SREBF2: variants seen among roughly 807,000 people sequenced by gnomAD.
SREBF2 encodes sterol regulatory element binding transcription factor 2.
Under a neutral mutation model 113.1 loss-of-function variants are expected in SREBF2, and 55 were observed. That is an observed-to-expected ratio of 0.49 (90% CI 0.39 to 0.61). SREBF2 has a LOEUF of 0.61. SREBF2 is among the 20% of genes least tolerant of loss of function. The pLI is 0.00. For missense variants in SREBF2, 1,349 were observed against 1,487.4 expected (o/e 0.91, Z 1.53); for synonymous variants, 593 against 605.7 (o/e 0.98, Z 0.31).
intron 1 of SREBF2, among the ~76,000 whole-genome samples, chr22:41,859,628 A>G (rs1408848390): frequency 6.6e-6 from 1 of 151,826 alleles, no homozygotes; most frequent in Non-Finnish European, 1.5e-5. Context: ...CACTATGAAT[A>G]ATGTGTACTA....
chr22:41,883,533 C>A (rs1279340542), intron 10 of SREBF2, among the ~76,000 whole-genome samples: 1 of 152,206 alleles, frequency 6.6e-6, no homozygotes, highest in Non-Finnish European at 1.5e-5. Flanking sequence ...CTCCTTGCTG[C>A]CAAATTCTGG....
chr22:41,852,836 C>T (rs1355000667), intron 1 of SREBF2, among the ~76,000 whole-genome samples: 1 of 148,266 alleles, frequency 6.7e-6, no homozygotes, highest in African/African-American at 2.5e-5. Flanking sequence ...GCTCACTGCA[C>T]CCTCCACCTC....
At chr22:41,903,199 T>C (rs895771057) in intron 17 of SREBF2, 44 bp downstream of exon 17, 1 of 1,541,966 alleles carries the variant, frequency 6.5e-7, no homozygotes, top group East Asian at 2.4e-5. Context: ...TTGGAGCCTG[T>C]GGGGCCTGAG....
At chr22:41,895,431 CTTTTTTTTTT>C (rs35810171) in intron 13 of SREBF2, among the ~76,000 whole-genome samples, 16 of 106,224 alleles carry the variant, frequency 1.5e-4, no homozygotes, top group African/African-American at 5.7e-4. Flanking sequence ...ATGCCCAGGC[CTTTTTTTTTT>C]TTTTTTTTTT....
Position 41,907,112 on chromosome 22 carries a change from C to T in SREBF2, c.*1452C>T, listed in dbSNP as rs1220889284. 6.6e-6 allele frequency: 1 copy of T among 152,208 alleles called. No homozygotes were observed. The highest frequency in any genetic ancestry group is 1.5e-5 in the Non-Finnish European group (1 of 68,100). The allele number at this position is 152,208 out of a possible 1,614,324, so 9.4% of individuals were successfully genotyped here. On this transcript the variant is annotated 3_prime_UTR_variant, in exon 19 of 19. Transcript: ENST00000361204. ...TTCTTTCTCTCCTGCCCCTCCCCTA[C>T]TCTCACTGTAATTTATGGACCCTGC... is the stretch of plus-strand genomic sequence containing the variant.
At chr22:41,854,444 G>A (rs2076959832) in intron 1 of SREBF2, among the ~76,000 whole-genome samples, 1 of 151,924 alleles carries the variant, frequency 6.6e-6, no homozygotes, top group African/African-American at 2.4e-5. Flanking sequence ...TTGCAGGGGT[G>A]AACCACCATG....
intron 14 of SREBF2, 146 bp downstream of exon 14, chr22:41,897,307 G>T: frequency 1.7e-6 from 1 of 592,998 alleles, no homozygotes; most frequent in South Asian, 2.0e-5. Flanking sequence ...CCAGTTCACA[G>T]TCACCCCCTC....
At position 41,893,096 on chromosome 22, in the gene SREBF2, CT is replaced by C. The variant is rs2077379926; in HGVS notation, c.2209-20del. 3 of 1,612,114 alleles carry C rather than the reference CT, an allele frequency of 1.9e-6. No homozygotes were observed. Among genetic ancestry groups the C allele is most frequent in the South Asian group, 1.1e-5 (1 of 91,004 alleles). On this transcript the variant is annotated intron_variant, in intron 11 of 18. Transcript: ENST00000361204. The stretch of plus-strand genomic sequence containing the variant: ...GCATTCTGCCACCTTGGTGTTACCC[CT>C]GGTCCTTGTCCTTCCACAGAGCTAC...
Position 41,866,991 on chromosome 22 carries a change from T to C in SREBF2, c.249T>C (p.Ala83=). Residue 83 remains alanine (A), a synonymous_variant, in exon 2 of 19, where the codon GCT becomes GCC. Coordinates refer to ENST00000361204, the MANE Select transcript of SREBF2 (RefSeq NM_004599.4). ...ATGGCAGGGGCAGCAGCAGCGGAGC[T>C]GTGGACCCTTCAGTGCAACGGTCAT... ...SSNGRGSSSG[A]VDPSVQRSFT... The C allele has an allele frequency of 6.2e-7, 1 of 1,614,030 alleles. No homozygotes were observed. The highest frequency in any genetic ancestry group is 8.5e-7 in the Non-Finnish European group (1 of 1,179,872).
At chr22:41,867,800 C>T (rs1417417573) in intron 2 of SREBF2, among the ~76,000 whole-genome samples, 1 of 149,734 alleles carries the variant, frequency 6.7e-6, no homozygotes, top group African/African-American at 2.5e-5. Context: ...GAGCGAGACT[C>T]CCATCTTAAA....
Position 41,905,854 on chromosome 22 carries a change from G to A in SREBF2, c.*194G>A. ...CTGTCACTAGATGCCCATGGTCCAG[G>A]GCCTGGTGGGCGTGAGAGGATAGGT... On this transcript the variant is annotated 3_prime_UTR_variant, in exon 19 of 19. Transcript: ENST00000361204. 1 of 733,810 alleles carries A rather than the reference G, an allele frequency of 1.4e-6. No homozygotes were observed. The highest frequency in any genetic ancestry group is 2.4e-6 in the Non-Finnish European group (1 of 412,334). The allele number at this position is 733,810 out of a possible 1,614,324, so 45.5% of individuals were successfully genotyped here.
At chr22:41,879,268 G>A (rs962806956) in intron 9 of SREBF2, among the ~76,000 whole-genome samples, 5 of 152,340 alleles carry the variant, frequency 3.3e-5, no homozygotes, top group Admixed American at 2.6e-4. Context: ...ATATTTGGAA[G>A]GGAAGTGATT....
intron 5 of SREBF2, 26 bp from the exon 6 acceptor site, chr22:41,875,309 CTG>C (rs772955721): frequency 6.9e-6 from 11 of 1,588,396 alleles, no homozygotes; most frequent in African/African-American, 1.3e-5. Context: ...ACTGGTCTCA[CTG>C]TGTTTTCACT....
At position 41,905,942 on chromosome 22, in the gene SREBF2, G is replaced by A. The variant is rs1196752647; in HGVS notation, c.*282G>A. On this transcript the variant is annotated 3_prime_UTR_variant, in exon 19 of 19. Coordinates refer to ENST00000361204, the MANE Select transcript of SREBF2 (RefSeq NM_004599.4). Reference sequence around the variant, plus strand: ...GCAGGGGGAGCTCCCAAGCTGCCAAGCCCCTGCCTCCAGCCTTCCTGAGTT... The same window carrying A: ...GCAGGGGGAGCTCCCAAGCTGCCAAACCCCTGCCTCCAGCCTTCCTGAGTT... 1 of 638,004 alleles carries A rather than the reference G, an allele frequency of 1.6e-6. No individual in the cohort carries two copies. The highest frequency in any genetic ancestry group is 2.1e-5 in the Admixed American group (1 of 47,716). 39.5% of individuals were successfully genotyped at this position (638,004 alleles called of 1,614,324 possible).
At chr22:41,902,794 G>A (rs897033545) in intron 16 of SREBF2, among the ~76,000 whole-genome samples, 176 bp from the exon 17 acceptor site, 7 of 152,196 alleles carry the variant, frequency 4.6e-5, no homozygotes, top group Admixed American at 4.6e-4. Flanking sequence ...GGAAGGAACT[G>A]GTTCTCCCCT....
intron 1 of SREBF2, among the ~76,000 whole-genome samples, chr22:41,863,942 C>T (rs1034849597): frequency 3.3e-5 from 5 of 151,430 alleles, no homozygotes; most frequent in Non-Finnish European, 7.4e-5. Flanking sequence ...AGTACAGTGA[C>T]GCAGTCATCT....
intron 1 of SREBF2, among the ~76,000 whole-genome samples, chr22:41,847,099 AG>A (rs1389822414): frequency 6.6e-6 from 1 of 152,054 alleles, no homozygotes; most frequent in East Asian, 1.9e-4. Context: ...CTTTAGTTTT[AG>A]GGAGATTTGG....
chr22:41,889,119 C>T (rs532082577), intron 11 of SREBF2, among the ~76,000 whole-genome samples: 3 of 152,110 alleles, frequency 2.0e-5, no homozygotes, highest in Admixed American at 6.6e-5. Flanking sequence ...AAAGAAATAC[C>T]TAACGGTTCT....
intron 10 of SREBF2, among the ~76,000 whole-genome samples, chr22:41,884,134 T>A (rs963588968): frequency 1.3e-5 from 2 of 149,266 alleles, no homozygotes; most frequent in East Asian, 3.9e-4. Flanking sequence ...TGAAGGCGGG[T>A]TTTTTTTTGG....
Sources: allele counts gnomAD v4.1 joint callset (sites outside exome capture counted in the v4.1 genomes callset), GRCh38; gene constraint gnomAD v4.1.1; transcripts MANE v1.5; gene names NCBI Gene and HGNC (gene_info 2026-07-23, HGNC 2026-07-21).